The following CDKAL1 variants were observed in gnomAD, a reference collection of about 807,000 sequenced individuals.
The protein encoded by CDKAL1 is CDKAL1 threonylcarbamoyladenosine tRNA methylthiotransferase, also known as threonylcarbamoyladenosine tRNA methylthiotransferase.
A neutral mutation model predicts 68.2 loss-of-function variants in CDKAL1; 32 were observed. The ratio of observed to expected loss-of-function variants is 0.47; its 90% CI spans 0.35 to 0.63. The LOEUF (loss-of-function observed/expected upper bound fraction) is 0.63. CDKAL1 is among the 30% of genes least tolerant of loss of function. The probability of loss-of-function intolerance (pLI) is 0.00; values close to 1 mark genes in which losing one functional copy is unlikely to be tolerated. For synonymous variants in CDKAL1, 234 were observed against 244.3 expected (o/e 0.96, Z 0.39); for missense variants, 606 against 696.7 (o/e 0.87, Z 1.47).
At chr6:21,082,935 A>G (rs184286333) in intron 12 of CDKAL1, among the ~76,000 whole-genome samples, 1 of 144,542 alleles carries the variant, frequency 6.9e-6, no homozygotes, top group Non-Finnish European at 1.5e-5. Flanking sequence ...GTGCAGCGGC[A>G]CAGTCACGGC....
At chr6:20,793,324 G>A (rs898091016) in intron 8 of CDKAL1, among the ~76,000 whole-genome samples, 6 of 152,124 alleles carry the variant, frequency 3.9e-5, no homozygotes, top group East Asian at 3.8e-4. Flanking sequence ...AAGAGGCAAA[G>A]CAACAAAAAT....
chr6:20,932,821 C>A (rs1201799379), intron 9 of CDKAL1, among the ~76,000 whole-genome samples: 1 of 152,130 alleles, frequency 6.6e-6, no homozygotes, highest in Non-Finnish European at 1.5e-5. Flanking sequence ...ATCATATAAG[C>A]CTCATAGAAC....
intron 10 of CDKAL1, among the ~76,000 whole-genome samples, chr6:20,985,271 C>T (rs568551889): frequency 9.2e-5 from 14 of 152,106 alleles, no homozygotes; most frequent in Admixed American, 5.9e-4. Flanking sequence ...TTTGTAATTA[C>T]GTTCCATGGT....
intron 4 of CDKAL1, among the ~76,000 whole-genome samples, chr6:20,621,232 G>A (rs796293697): frequency 4.8e-4 from 73 of 152,150 alleles, no homozygotes; most frequent in African/African-American, 1.7e-3. Flanking sequence ...ATGTATTCTA[G>A]GATGTTCCTC....
intron 9 of CDKAL1, among the ~76,000 whole-genome samples, chr6:20,911,657 T>G (rs1762474113): frequency 1.3e-5 from 2 of 152,236 alleles, no homozygotes; most frequent in Admixed American, 1.3e-4. Context: ...TCCTGAGTTT[T>G]ATGTCCTTAG....
intron 8 of CDKAL1, among the ~76,000 whole-genome samples, chr6:20,807,009 G>A (rs1199223524): frequency 6.6e-6 from 1 of 152,154 alleles, no homozygotes; most frequent in Non-Finnish European, 1.5e-5. Flanking sequence ...ACTGATGAAA[G>A]TATTTGTATC....
At chr6:21,060,870 G>C (rs1771108264) in intron 11 of CDKAL1, among the ~76,000 whole-genome samples, 1 of 152,028 alleles carries the variant, frequency 6.6e-6, no homozygotes, top group Non-Finnish European at 1.5e-5. Context: ...GTCCTTTGCT[G>C]ATCATTTTTC....
chr6:20,616,162 C>T (rs1486832578), intron 4 of CDKAL1, among the ~76,000 whole-genome samples: 2 of 151,788 alleles, frequency 1.3e-5, no homozygotes, highest in Non-Finnish European at 2.9e-5. Context: ...GTACTAGTAC[C>T]ATGCTGTTTT....
At chr6:20,888,812 A>G (rs1761228145) in intron 9 of CDKAL1, among the ~76,000 whole-genome samples, 1 of 152,064 alleles carries the variant, frequency 6.6e-6, no homozygotes, top group Admixed American at 6.6e-5. Flanking sequence ...GCTACTGTGA[A>G]TAGTGCCGCA....
At chr6:20,755,721 C>T (rs922375495) in intron 6 of CDKAL1, among the ~76,000 whole-genome samples, 1 of 152,102 alleles carries the variant, frequency 6.6e-6, no homozygotes, top group Non-Finnish European at 1.5e-5. Flanking sequence ...CTGTTTGGCT[C>T]CTACTGTAGA....
At chr6:20,921,494 C>T (rs1762955919) in intron 9 of CDKAL1, among the ~76,000 whole-genome samples, 1 of 152,154 alleles carries the variant, frequency 6.6e-6, no homozygotes, top group East Asian at 1.9e-4. Context: ...TGACTTGCTC[C>T]TGGCTATCCA....
chr6:20,636,267 C>A (rs1767900496), intron 4 of CDKAL1, among the ~76,000 whole-genome samples: 1 of 152,076 alleles, frequency 6.6e-6, no homozygotes, highest in South Asian at 2.1e-4. Context: ...TGCTCTGAGC[C>A]CCATCACTGC....
intron 13 of CDKAL1, among the ~76,000 whole-genome samples, chr6:21,162,202 A>G (rs546408261): frequency 3.3e-5 from 5 of 152,310 alleles, no homozygotes; most frequent in African/African-American, 4.8e-5. Context: ...TAATTTCACT[A>G]TTGACTCAAG....
intron 15 of CDKAL1, among the ~76,000 whole-genome samples, chr6:21,228,557 G>T (rs939410612): frequency 6.6e-6 from 1 of 152,188 alleles, no homozygotes; most frequent in African/African-American, 2.4e-5. Context: ...AGACATAGAT[G>T]AGAATGTTCT....
rs1469328014 is a variant in CDKAL1, at chr6:20,770,086, C to T, written c.518-11059C>T. Among the ~76,000 whole-genome samples the T allele has an allele frequency of 2.0e-5, 3 of 151,646 alleles. No homozygotes were observed. In the East Asian group the frequency reaches 5.8e-4, roughly 29 times the overall value. Reference sequence around the variant, plus strand: ...TTGTTTCCTCTTTAATCTTTTTAAACTTTTTTTTCTCTTTTATTTGCTGTT... The same window carrying T: ...TTGTTTCCTCTTTAATCTTTTTAAATTTTTTTTTCTCTTTTATTTGCTGTT... On this transcript the variant is annotated intron_variant, in intron 7 of 15. Transcript: ENST00000274695.
intron 9 of CDKAL1, among the ~76,000 whole-genome samples, chr6:20,912,587 C>A (rs1323764792): frequency 6.6e-6 from 1 of 152,100 alleles, no homozygotes; most frequent in Non-Finnish European, 1.5e-5. Context: ...AGTGAGAGAC[C>A]AGAGTTGGAT....
At chr6:20,689,341 A>ATGTAT (rs1407484687) in intron 5 of CDKAL1, among the ~76,000 whole-genome samples, 4 of 152,060 alleles carry the variant, frequency 2.6e-5, no homozygotes, top group Non-Finnish European at 4.4e-5. Flanking sequence ...CATAAATTAC[A>ATGTAT]GTTTAGATTT....
chr6:20,739,807 G>A (rs1773366519), intron 6 of CDKAL1, among the ~76,000 whole-genome samples, 192 bp downstream of exon 6: 1 of 152,134 alleles, frequency 6.6e-6, no homozygotes, highest in African/African-American at 2.4e-5. Flanking sequence ...AAAAACATGT[G>A]TTAGTTTCTC....
intron 9 of CDKAL1, among the ~76,000 whole-genome samples, chr6:20,898,035 T>G (rs1761782659): frequency 6.6e-6 from 1 of 152,112 alleles, no homozygotes; most frequent in South Asian, 2.1e-4. Context: ...TAGGGTACAG[T>G]CTTGTTAATC....
Sources: gnomAD v4.1 joint callset for allele counts (sites outside exome capture counted in the v4.1 genomes callset) on GRCh38, gnomAD v4.1.1 for gene constraint, MANE v1.5 for transcripts, NCBI Gene and HGNC (gene_info 2026-07-23, HGNC 2026-07-21) for gene names.